PRRT1B: variants seen among roughly 807,000 people sequenced by gnomAD.
PRRT1B encodes proline rich transmembrane protein 1B, also known as dispanin subfamily D member 2.
rs575874123 is a variant in PRRT1B at position 131,548,244 on chromosome 9, C to T, written c.25+2604C>T. Reference sequence around the variant, plus strand: ...CTTCTCCACTTTCCTGGGGGGCAAGCATCCCCCACCCCTTCTCTCCGTATC... The same window carrying T: ...CTTCTCCACTTTCCTGGGGGGCAAGTATCCCCCACCCCTTCTCTCCGTATC... On this transcript the variant is annotated intron_variant, in intron 1 of 3. Transcript: ENST00000636672. Among the ~76,000 whole-genome samples, 7 of 151,860 alleles carry T rather than the reference C, an allele frequency of 4.6e-5. No individual in the cohort carries two copies. In the South Asian group the frequency reaches 1.5e-3, roughly 32 times the overall value.
At chr9:131,550,939 C>CTTTTTTTTTTTTTTTT (rs546049217) in intron 1 of PRRT1B, among the ~76,000 whole-genome samples, 3 of 75,988 alleles carry the variant, frequency 3.9e-5, no homozygotes, top group African/African-American at 5.2e-5. Flanking sequence ...TTTTCTTTTT[C>CTTTTTTTTTTTTTTTT]TTTTTTTTTT....
At chr9:131,548,789 T>C (rs999949727) in intron 1 of PRRT1B, among the ~76,000 whole-genome samples, 1 of 152,158 alleles carries the variant, frequency 6.6e-6, no homozygotes. Context: ...CCCCACCCTA[T>C]AATCCTTTTA....
chr9:131,545,556 C>A, exon 1 of PRRT1B: 2 of 396,488 alleles, frequency 5.0e-6, no homozygotes, highest in Non-Finnish European at 4.5e-6. Flanking sequence ...GGAGCCGGCC[C>A]GACGGCAGGC....
intron 1 of PRRT1B, among the ~76,000 whole-genome samples, chr9:131,553,940 C>G (rs114362320): frequency 3.3e-5 from 5 of 152,188 alleles, no homozygotes; most frequent in Admixed American, 3.3e-4. Flanking sequence ...GGGCCTGGGT[C>G]GGGAGCAAGG....
At chr9:131,557,897 T>C (rs1951060665) in intron 3 of PRRT1B, among the ~76,000 whole-genome samples, 156 bp from the exon 4 acceptor site, 1 of 152,266 alleles carries the variant, frequency 6.6e-6, no homozygotes. Flanking sequence ...CCATCACGCC[T>C]GCCCCCTTTC....
chr9:131,546,543 ATCT>A (rs1242335141), intron 1 of PRRT1B, among the ~76,000 whole-genome samples: 1 of 149,548 alleles, frequency 6.7e-6, no homozygotes, highest in Admixed American at 6.8e-5. Flanking sequence ...AGCGCGACTG[ATCT>A]TGAGAGCCCG....
At chr9:131,547,065 C>CTTTTTTTTTTTTT (rs549825970) in intron 1 of PRRT1B, among the ~76,000 whole-genome samples, 6 of 100,768 alleles carry the variant, frequency 6.0e-5, no homozygotes, top group African/African-American at 2.9e-4. Context: ...CTCCTGTTCG[C>CTTTTTTTTTTTTT]TTTTTTTTTT....
At chr9:131,557,285 C>A (rs1951056824) in intron 3 of PRRT1B, among the ~76,000 whole-genome samples, 1 of 152,060 alleles carries the variant, frequency 6.6e-6, no homozygotes. Context: ...ACAAATGTAA[C>A]CCCAGCATTT....
At chr9:131,554,387 C>G (rs946807856) in intron 1 of PRRT1B, among the ~76,000 whole-genome samples, 170 bp from the exon 2 acceptor site, 2 of 152,178 alleles carry the variant, frequency 1.3e-5, no homozygotes, top group African/African-American at 4.8e-5. Flanking sequence ...CTGTGTGACT[C>G]CAGCAAGGCA....
At chr9:131,555,665 G>A (rs963310900) in intron 2 of PRRT1B, among the ~76,000 whole-genome samples, 1 of 152,054 alleles carries the variant, frequency 6.6e-6, no homozygotes, top group Non-Finnish European at 1.5e-5. Flanking sequence ...GATAGAGCAA[G>A]CCTCTGCCTC....
downstream of PRRT1B, among the ~76,000 whole-genome samples, chr9:131,558,834 C>T (rs1951067231): frequency 6.6e-6 from 1 of 152,206 alleles, no homozygotes; most frequent in Non-Finnish European, 1.5e-5. Flanking sequence ...GAGCTTCACA[C>T]TGCTACTTTG....
chr9:131,552,575 G>T (rs1226492384), intron 1 of PRRT1B, among the ~76,000 whole-genome samples: 1 of 152,178 alleles, frequency 6.6e-6, no homozygotes, highest in Admixed American at 6.5e-5. Flanking sequence ...CACCTTCTAT[G>T]AGTGGCATTT....
intron 1 of PRRT1B, among the ~76,000 whole-genome samples, chr9:131,546,157 C>T (rs953727881): frequency 6.6e-6 from 1 of 152,152 alleles, no homozygotes; most frequent in African/African-American, 2.4e-5. Flanking sequence ...CTCACCGCCC[C>T]GGCCAGGCTG....
At chr9:131,553,084 G>A (rs2132009865) in intron 1 of PRRT1B, among the ~76,000 whole-genome samples, 1 of 152,218 alleles carries the variant, frequency 6.6e-6, no homozygotes, top group Non-Finnish European at 1.5e-5. Context: ...AGACTTTTCA[G>A]TTGTCATCAG....
intron 2 of PRRT1B, 146 bp downstream of exon 2, chr9:131,555,175 G>A: frequency 2.7e-6 from 1 of 366,234 alleles, no homozygotes; most frequent in Non-Finnish European, 4.8e-6. Context: ...TTTGAGCGGG[G>A]TTTTGGAGGA....
chr9:131,559,405 C>T (rs528711551), downstream of PRRT1B, among the ~76,000 whole-genome samples: 10 of 152,358 alleles, frequency 6.6e-5, no homozygotes, highest in Non-Finnish European at 1.3e-4. Context: ...TGTGCCACTG[C>T]ACTCCAGCCT....
At chr9:131,557,839 T>C (rs1393469041) in intron 3 of PRRT1B, among the ~76,000 whole-genome samples, 1 of 152,264 alleles carries the variant, frequency 6.6e-6, no homozygotes, top group Admixed American at 6.5e-5. Flanking sequence ...TGAGGGCAAC[T>C]GTCAGTGCTG....
Position 131,556,197 on chromosome 9 carries a change from TC to T in PRRT1B, c.627del (p.Ile209MetfsTer176). On this transcript the variant is annotated frameshift_variant, in exon 3 of 4. Coordinates refer to ENST00000636672, the Ensembl canonical transcript of PRRT1B. LOFTEE classifies it high-confidence loss of function. ...TGTCTGCTCACCGGTCTCATCGCCA[TC>T]GTCTACTCCCACGAGGTAGGTGCGG... 2.5e-6 allele frequency: 1 copy of T among 401,028 alleles called. No homozygotes were observed. 24.8% of individuals were successfully genotyped at this position (401,028 alleles called of 1,614,324 possible).
intron 1 of PRRT1B, among the ~76,000 whole-genome samples, chr9:131,547,395 C>T (rs1950983613): frequency 6.6e-6 from 1 of 152,152 alleles, no homozygotes; most frequent in Admixed American, 6.6e-5. Flanking sequence ...CATCCTGGCT[C>T]AAAAGCTCCC....
Sources: gnomAD v4.1 joint callset for allele counts (sites outside exome capture counted in the v4.1 genomes callset) on GRCh38, gnomAD v4.1.1 for gene constraint, MANE v1.5 for transcripts, NCBI Gene and HGNC (gene_info 2026-07-23, HGNC 2026-07-21) for gene names.